SH3KBP1: variants seen among roughly 807,000 people sequenced by gnomAD.
SH3KBP1 encodes the protein SH3 domain containing kinase binding protein 1, also known as SH3 domain-containing kinase-binding protein 1.
In SH3KBP1, 8 loss-of-function variants were observed where a neutral mutation model predicts 50.1. The observed-to-expected ratio is 0.16, with a 90% CI of 0.09 to 0.29. SH3KBP1 has a LOEUF of 0.29. Among genes scored for constraint, SH3KBP1 ranks in the 10% least tolerant of loss-of-function variants. The pLI is 1.00. For synonymous variants in SH3KBP1, 227 were observed against 218.6 expected (o/e 1.04, Z -0.34); for missense variants, 377 against 535.2 (o/e 0.70, Z 2.92).
At chrX:19,878,439 G>C (rs5955858) in intron 1 of SH3KBP1, among the ~76,000 whole-genome samples, 10,444 of 104,131 alleles carry the variant, frequency 0.1, 1,331 homozygotes, top group African/African-American at 0.34. Flanking sequence ...GAGTAGCTAG[G>C]ACTACAGGTA....
intron 5 of SH3KBP1, among the ~76,000 whole-genome samples, chrX:19,685,803 T>G (rs1053515379): frequency 9.0e-6 from 1 of 111,235 alleles, no homozygotes; most frequent in Admixed American, 9.6e-5. Context: ...AAGGGTGAAA[T>G]AAAGAAACCA....
chrX:19,750,722 A>T (rs1406836898), intron 2 of SH3KBP1, among the ~76,000 whole-genome samples: 1 of 111,543 alleles, frequency 9.0e-6, no homozygotes, highest in Admixed American at 9.5e-5. Flanking sequence ...CTCTAAAAAT[A>T]GGTGATGATG....
chrX:19,760,287 T>C (rs2065375816), intron 2 of SH3KBP1, among the ~76,000 whole-genome samples: 1 of 109,445 alleles, frequency 9.1e-6, no homozygotes, highest in Non-Finnish European at 1.9e-5. Flanking sequence ...CTCGGGAGGC[T>C]GAGGCAGAAG....
intron 9 of SH3KBP1, among the ~76,000 whole-genome samples, chrX:19,603,802 C>T (rs2067163654): frequency 9.0e-6 from 1 of 111,710 alleles, no homozygotes; most frequent in African/African-American, 3.3e-5. Context: ...ATCCCCCAAA[C>T]TCAGCCTCCT....
chrX:19,886,711 G>A (rs1466923768), intron 1 of SH3KBP1, among the ~76,000 whole-genome samples: 1 of 111,100 alleles, frequency 9.0e-6, no homozygotes, highest in Admixed American at 9.5e-5. Flanking sequence ...GAAAGGGTCG[G>A]GGCCGGGAGG....
At chrX:19,725,403 G>A (rs2064190793) in intron 3 of SH3KBP1, among the ~76,000 whole-genome samples, 1 of 110,827 alleles carries the variant, frequency 9.0e-6, no homozygotes, top group Admixed American at 9.6e-5. Flanking sequence ...CCCTGGAGGT[G>A]GAGGCTGCAG....
intron 8 of SH3KBP1, among the ~76,000 whole-genome samples, chrX:19,621,713 C>T (rs1252307403): frequency 8.9e-6 from 1 of 112,373 alleles, no homozygotes; most frequent in Non-Finnish European, 1.9e-5. Context: ...TCATTTACCT[C>T]TATGGCTGCT....
chrX:19,825,701 C>T (rs1232330506), intron 2 of SH3KBP1, among the ~76,000 whole-genome samples: 2 of 111,454 alleles, frequency 1.8e-5, no homozygotes, highest in East Asian at 5.6e-4. Flanking sequence ...TGGCAAAACC[C>T]TATCTCTACT....
intron 5 of SH3KBP1, among the ~76,000 whole-genome samples, chrX:19,688,452 T>C (rs2063215288): frequency 8.9e-6 from 1 of 112,016 alleles, no homozygotes; most frequent in Non-Finnish European, 1.9e-5. Flanking sequence ...ACTCACCCAG[T>C]GTCAAATGTC....
At chrX:19,728,933 C>T (rs988256663) in intron 3 of SH3KBP1, among the ~76,000 whole-genome samples, 7 of 112,052 alleles carry the variant, frequency 6.2e-5, no homozygotes, top group African/African-American at 2.3e-4. Flanking sequence ...ATGAAGAAAT[C>T]GATGCTTAAA....
chrX:19,671,933 AC>A (rs1467493573), intron 6 of SH3KBP1, among the ~76,000 whole-genome samples: 5 of 112,105 alleles, frequency 4.5e-5, no homozygotes, highest in African/African-American at 1.6e-4. Context: ...GTTTCAGTTA[AC>A]TATGGTTAAT....
intron 3 of SH3KBP1, among the ~76,000 whole-genome samples, chrX:19,722,844 A>G (rs991510266): frequency 2.7e-5 from 3 of 109,449 alleles, no homozygotes; most frequent in African/African-American, 1.0e-4. Context: ...AGTCTAAAAA[A>G]AATGTCTCAA....
At chrX:19,590,424 C>T (rs959257731) in intron 11 of SH3KBP1, among the ~76,000 whole-genome samples, 4 of 111,342 alleles carry the variant, frequency 3.6e-5, no homozygotes, top group African/African-American at 6.5e-5. Context: ...GTCCCTCACC[C>T]GCTGTGGCAT....
At chrX:19,731,697 T>TAGG (rs995810054) in intron 3 of SH3KBP1, among the ~76,000 whole-genome samples, 3 of 112,242 alleles carry the variant, frequency 2.7e-5, no homozygotes, top group Non-Finnish European at 5.6e-5. Flanking sequence ...TAGTTTGCCT[T>TAGG]GAAGTAACTT....
At chrX:19,685,738 C>A (rs2063150679) in intron 5 of SH3KBP1, among the ~76,000 whole-genome samples, 1 of 111,555 alleles carries the variant, frequency 9.0e-6, no homozygotes, top group African/African-American at 3.3e-5. Context: ...CGTATGGATT[C>A]TTTCTATGTG....
intron 10 of SH3KBP1, among the ~76,000 whole-genome samples, chrX:19,592,717 A>T (rs750706798): frequency 8.9e-6 from 1 of 112,052 alleles, no homozygotes; most frequent in South Asian, 3.7e-4. Flanking sequence ...TGAGTCATAA[A>T]AGTCCCTGTA....
At chrX:19,612,763 G>A (rs2067470515) in intron 8 of SH3KBP1, among the ~76,000 whole-genome samples, 1 of 111,866 alleles carries the variant, frequency 8.9e-6, no homozygotes, top group South Asian at 3.7e-4. Flanking sequence ...GGGAGAGGCA[G>A]ACACAGTGAA....
chrX:19,570,129 T>C (rs1215010508), intron 12 of SH3KBP1, among the ~76,000 whole-genome samples: 1 of 112,148 alleles, frequency 8.9e-6, no homozygotes, highest in African/African-American at 3.2e-5. Context: ...CATGTGCCAC[T>C]TGTGCTGTGG....
chrX:19,800,518 C>T (rs1232368393), intron 2 of SH3KBP1, among the ~76,000 whole-genome samples: 3 of 111,984 alleles, frequency 2.7e-5, no homozygotes, highest in Non-Finnish European at 5.6e-5. Flanking sequence ...TACTTCTAGT[C>T]GTATATTTAG....
Sources: allele counts gnomAD v4.1 joint callset (sites outside exome capture counted in the v4.1 genomes callset), GRCh38; gene constraint gnomAD v4.1.1; transcripts MANE v1.5; gene names NCBI Gene and HGNC (gene_info 2026-07-23, HGNC 2026-07-21).